GPC6: variants seen among roughly 807,000 people sequenced by gnomAD.
The protein encoded by GPC6 is glypican-6.
GPC6 carries 14 observed loss-of-function variants against 55.2 expected under a neutral mutation model. The ratio of observed to expected loss-of-function variants is 0.25; its 90% confidence interval spans 0.17 to 0.40. The LOEUF (loss-of-function observed/expected upper bound fraction) is 0.40, where lower values mean the gene tolerates loss of function less well. Among genes scored for constraint, GPC6 ranks in the 10% least tolerant of loss-of-function variants. GPC6 has a pLI of 1.00. For missense variants in GPC6, 641 were observed against 708.5 expected (o/e 0.90, Z 1.08); for synonymous variants, 278 against 259.6 (o/e 1.07, Z -0.68).
chr13:93,283,043 G>A (rs1162872525), intron 1 of GPC6, among the ~76,000 whole-genome samples: 1 of 96,934 alleles, frequency 1.0e-5, no homozygotes, highest in Non-Finnish European at 2.1e-5. Context: ...CCCTTCCATG[G>A]AGATAATCAC....
At chr13:94,083,285 A>ATT in intron 4 of GPC6, among the ~76,000 whole-genome samples, 2 of 151,868 alleles carry the variant, frequency 1.3e-5, no homozygotes, top group South Asian at 2.1e-4. Flanking sequence ...CACCCGTCTA[A>ATT]TTTTTTGTAT....
chr13:93,337,325 T>G lies in GPC6; in HGVS notation c.160+109709T>G, dbSNP rs542170168. On this transcript the variant is annotated intron_variant, in intron 1 of 8. Transcript: ENST00000377047. ...TGAGATTCCCATATTTGGCTCAAGG[T>G]TTTATACAACTTGATATGCTACCTA... 2.6e-5 allele frequency among the ~76,000 whole-genome samples: 4 copies of G among 152,276 alleles called. No individual in the cohort carries two copies. In the East Asian group the frequency reaches 5.8e-4, roughly 22 times the overall value.
chr13:93,581,722 C>T (rs534766963), intron 2 of GPC6, among the ~76,000 whole-genome samples: 97 of 151,994 alleles, frequency 6.4e-4, no homozygotes, highest in Non-Finnish European at 1.3e-3. Flanking sequence ...AAAAGAAAAT[C>T]TCAGTTGTAA....
chr13:94,291,713 T>C (rs1214771997), intron 5 of GPC6, among the ~76,000 whole-genome samples: 2 of 150,618 alleles, frequency 1.3e-5, no homozygotes, highest in Non-Finnish European at 2.9e-5. Flanking sequence ...TTTTTTTTTT[T>C]CAAAGAAACC....
intron 8 of GPC6, among the ~76,000 whole-genome samples, chr13:94,402,120 C>G (rs538425803): frequency 1.3e-5 from 2 of 152,322 alleles, no homozygotes; most frequent in Non-Finnish European, 2.9e-5. Flanking sequence ...TCCAGCCTTG[C>G]TCTCAGGAGA....
chr13:94,189,956 G>C (rs138154693), intron 4 of GPC6, among the ~76,000 whole-genome samples: 5,500 of 150,376 alleles, frequency 0.037, 173 homozygotes, highest in Middle Eastern at 0.082. Context: ...GGGAGGCGGA[G>C]CTTGCAGTGA....
chr13:94,295,693 G>T (rs1875295689), intron 5 of GPC6, among the ~76,000 whole-genome samples: 1 of 152,118 alleles, frequency 6.6e-6, no homozygotes, highest in Non-Finnish European at 1.5e-5. Context: ...GAATTTCCAT[G>T]TAATAATAAT....
chr13:93,479,621 T>G (rs1879438229), intron 1 of GPC6, among the ~76,000 whole-genome samples: 1 of 148,468 alleles, frequency 6.7e-6, no homozygotes. Flanking sequence ...CCCCCCCATC[T>G]CTACTAAAAA....
At chr13:93,958,859 G>A (rs966807781) in intron 3 of GPC6, among the ~76,000 whole-genome samples, 22 of 151,984 alleles carry the variant, frequency 1.4e-4, no homozygotes, top group African/African-American at 1.7e-4. Flanking sequence ...TCAGATTTCC[G>A]TGTTATCATT....
chr13:94,298,792 A>G (rs1566648754), intron 5 of GPC6, among the ~76,000 whole-genome samples: 1 of 152,244 alleles, frequency 6.6e-6, no homozygotes, highest in Non-Finnish European at 1.5e-5. Flanking sequence ...ACATGGATAC[A>G]TGATTCATTC....
intron 1 of GPC6, among the ~76,000 whole-genome samples, chr13:93,423,039 T>C (rs1011266480): frequency 7.5e-6 from 1 of 132,830 alleles, no homozygotes; most frequent in African/African-American, 2.5e-5. Context: ...GAAACAGACA[T>C]GGTGGTCACA....
chr13:93,401,627 G>A (rs142243606), intron 1 of GPC6, among the ~76,000 whole-genome samples: 111 of 150,642 alleles, frequency 7.4e-4, no homozygotes, highest in African/African-American at 2.6e-3. Flanking sequence ...TTGCCAATGC[G>A]GTAAAGAGCT....
intron 1 of GPC6, among the ~76,000 whole-genome samples, chr13:93,517,987 A>ATTT (rs1881267195): frequency 6.6e-6 from 1 of 151,432 alleles, no homozygotes; most frequent in African/African-American, 2.4e-5. Context: ...TATTATTATT[A>ATTT]TTTTTAGGGG....
intron 4 of GPC6, among the ~76,000 whole-genome samples, chr13:94,217,876 T>C (rs2138997419): frequency 6.6e-6 from 1 of 151,838 alleles, no homozygotes; most frequent in Non-Finnish European, 1.5e-5. Context: ...AGGGACATGA[T>C]ACAACTTACC....
intron 3 of GPC6, among the ~76,000 whole-genome samples, chr13:93,924,575 G>T (rs1474154550): frequency 6.6e-6 from 1 of 152,010 alleles, no homozygotes; most frequent in Non-Finnish European, 1.5e-5. Context: ...ATTGATACCA[G>T]TTTCTTTTGA....
At chr13:93,508,667 G>A (rs1880826014) in intron 1 of GPC6, among the ~76,000 whole-genome samples, 1 of 152,198 alleles carries the variant, frequency 6.6e-6, no homozygotes, top group South Asian at 2.1e-4. Flanking sequence ...TCCAGCACAG[G>A]TGGCAGACGG....
chr13:94,280,838 T>A (rs1174211165), intron 4 of GPC6, among the ~76,000 whole-genome samples: 2 of 152,176 alleles, frequency 1.3e-5, no homozygotes, highest in Non-Finnish European at 2.9e-5. Context: ...ATAAGGTAGA[T>A]TGTGCTTACA....
chr13:94,320,024 C>T (rs1297292215), intron 6 of GPC6, among the ~76,000 whole-genome samples: 1 of 152,176 alleles, frequency 6.6e-6, no homozygotes, highest in Non-Finnish European at 1.5e-5. Flanking sequence ...GACTGTCTCA[C>T]TCCATCCTCC....
At chr13:93,336,640 T>C (rs752543802) in intron 1 of GPC6, among the ~76,000 whole-genome samples, 1 of 152,168 alleles carries the variant, frequency 6.6e-6, no homozygotes, top group Non-Finnish European at 1.5e-5. Context: ...TTAGGTAACA[T>C]TGCAGCACAA....
Sources: gnomAD v4.1 joint callset for allele counts (sites outside exome capture counted in the v4.1 genomes callset) on GRCh38, gnomAD v4.1.1 for gene constraint, MANE v1.5 for transcripts, NCBI Gene and HGNC (gene_info 2026-07-23, HGNC 2026-07-21) for gene names.